PRKCZ: variants seen among roughly 807,000 people sequenced by gnomAD.
PRKCZ encodes protein kinase C zeta.
Under a neutral mutation model 79.5 loss-of-function variants are expected in PRKCZ, and 33 were observed. The ratio of observed to expected loss-of-function variants is 0.41; its 90% CI spans 0.31 to 0.55. The LOEUF (loss-of-function observed/expected upper bound fraction) is 0.55. Ranked by LOEUF, PRKCZ falls within the 20% of genes least tolerant of loss-of-function variation. PRKCZ has a pLI of 0.19. For synonymous variants in PRKCZ, 342 were observed against 320.9 expected, an observed-to-expected ratio of 1.07 and a Z score of -0.70; for missense variants, 578 against 813.5, an observed-to-expected ratio of 0.71 and a Z score of 3.52.
intron 10 of PRKCZ, among the ~76,000 whole-genome samples, chr1:2,163,878 G>A (rs528648875): frequency 1.8e-4 from 28 of 152,082 alleles, no homozygotes; most frequent in African/African-American, 6.0e-4. Flanking sequence ...CAACCTGGGC[G>A]AGAGAGCGAG....
intron 4 of PRKCZ, among the ~76,000 whole-genome samples, chr1:2,107,649 C>T (rs1668820087): frequency 6.6e-6 from 1 of 152,200 alleles, no homozygotes; most frequent in Non-Finnish European, 1.5e-5. Context: ...CTGCGAGGTG[C>T]AGGCCTTCTT....
In PRKCZ at chr1:2,052,648, C is replaced by G. The variant is rs530746808; in HGVS notation, c.71+1947C>G. On this transcript the variant is annotated intron_variant, in intron 1 of 17. Transcript: ENST00000378567. The stretch of plus-strand genomic sequence containing the variant: ...AGTACCCTTCTCCCCGTTCTGGCTC[C>G]TCGTCCCTCTGGGCACCCGGTGCCT... 2.6e-5 allele frequency among the ~76,000 whole-genome samples: 4 copies of G among 152,112 alleles called. No individual in the cohort carries two copies. The South Asian group carries it at 8.3e-4, about 32-fold the overall frequency.
Position 2,172,112 on chromosome 1 carries a change from C to T in PRKCZ, c.1119C>T (p.Ile373=). The change falls in exon 12 of 18, where the codon ATC becomes ATT. Residue 373 remains isoleucine (I), a synonymous_variant. Transcript: ENST00000378567. This position sits in a 1 kb window ranked among gnomAD's most constrained non-coding sequence, Gnocchi z 7.8. ...ACTTCCTGCACGAGAGGGGGATCAT[C>T]TACAGGGACCTGAAGCTGGACAACG... The part of the protein sequence containing the change: ...ALNFLHERGI[I]YRDLKLDNVL... 1.9e-6 allele frequency: 3 copies of T among 1,613,524 alleles called. No individual in the cohort carries two copies. The highest frequency in any genetic ancestry group is 2.5e-6 in the Non-Finnish European group (3 of 1,179,962).
Position 2,185,036 on chromosome 1 carries a change from C to T in PRKCZ, c.*27C>T, listed in dbSNP as rs779822936. On this transcript the variant is annotated 3_prime_UTR_variant, in exon 18 of 18. Coordinates refer to ENST00000378567, the MANE Select transcript of PRKCZ (RefSeq NM_002744.6). ...GCCGCGTGCGTCTCTGTCGTGGACACGCGTGATTGACCCTTTAACTGTATC... is the reference window on the plus strand; with the variant it reads ...GCCGCGTGCGTCTCTGTCGTGGACATGCGTGATTGACCCTTTAACTGTATC... 1.1e-5 allele frequency: 18 copies of T among 1,577,434 alleles called. No individual in the cohort carries two copies. Among genetic ancestry groups the T allele is most frequent in the Middle Eastern group, 1.7e-4 (1 of 6,006 alleles).
At position 2,169,641 on chromosome 1, in the gene PRKCZ, G is replaced by A. The variant is rs765835561; in HGVS notation, c.1061+37G>A. The A allele has an allele frequency of 7.3e-5, 105 of 1,433,086 alleles. 1 individual carries two copies. Among genetic ancestry groups the A allele is most frequent in the East Asian group, 1.3e-4 (5 of 38,986 alleles). 88.8% of individuals were successfully genotyped at this position (1,433,086 alleles called of 1,614,324 possible). Reference sequence around the variant, plus strand: ...TGGACGGGGCCGGGTGGGTGCGCCCGGAGTTGGGGATGGGTGGGTGCGTGC... The same window carrying A: ...TGGACGGGGCCGGGTGGGTGCGCCCAGAGTTGGGGATGGGTGGGTGCGTGC... On this transcript the variant is annotated intron_variant, in intron 11 of 17. Transcript: ENST00000378567.
At chr1:2,120,170 A>G (rs1290939905) in intron 4 of PRKCZ, among the ~76,000 whole-genome samples, 1 of 152,162 alleles carries the variant, frequency 6.6e-6, no homozygotes, top group Non-Finnish European at 1.5e-5. Context: ...TTTTCATCAC[A>G]ACAGCAGCCT....
chr1:2,065,264 G>A (rs1201589389), intron 4 of PRKCZ, among the ~76,000 whole-genome samples: 2 of 152,200 alleles, frequency 1.3e-5, no homozygotes, highest in African/African-American at 4.8e-5. Flanking sequence ...TTTCTTACAT[G>A]TAAGATCATA....
intron 9 of PRKCZ, among the ~76,000 whole-genome samples, chr1:2,154,040 G>T (rs1176562570): frequency 6.6e-6 from 1 of 152,190 alleles, no homozygotes; most frequent in Non-Finnish European, 1.5e-5. Flanking sequence ...CACTCAGTTT[G>T]GGTGCTGAGT....
At chr1:2,083,814 T>C (rs184047676) in intron 4 of PRKCZ, among the ~76,000 whole-genome samples, 32 of 152,348 alleles carry the variant, frequency 2.1e-4, no homozygotes, top group Admixed American at 4.6e-4. Flanking sequence ...CGTGGTCATT[T>C]CTTACATGTC....
chr1:2,091,000 T>G (rs1665400789), intron 4 of PRKCZ, among the ~76,000 whole-genome samples: 1 of 152,220 alleles, frequency 6.6e-6, no homozygotes, highest in South Asian at 2.1e-4. Context: ...TGTGCTTTAA[T>G]AAAGAGGTCA....
chr1:2,073,689 G>C, intron 4 of PRKCZ: 2 of 992,186 alleles, frequency 2.0e-6, no homozygotes, highest in Non-Finnish European at 1.2e-6. Flanking sequence ...CTTCCCGGGG[G>C]AGCCGGGTAC....
At chr1:2,124,751 G>C (rs1571626908) in intron 4 of PRKCZ, among the ~76,000 whole-genome samples, 1 of 152,096 alleles carries the variant, frequency 6.6e-6, no homozygotes, top group African/African-American at 2.4e-5. Flanking sequence ...GCCTGGCCCG[G>C]CTTTCTGTGT....
At position 2,087,625 on chromosome 1, in the gene PRKCZ, C is replaced by T. The variant is rs373808127; in HGVS notation, c.334+28034C>T. ...TATCCCATCACCTGGATGTGATTAC[C>T]GAGAGGAGTATAGCAGGATACCCGA... On this transcript the variant is annotated intron_variant, in intron 4 of 17. Coordinates refer to ENST00000378567, the MANE Select transcript of PRKCZ (RefSeq NM_002744.6). Among the ~76,000 whole-genome samples, 100 of 152,110 alleles carry T rather than the reference C, an allele frequency of 6.6e-4. 1 individual carries two copies. Among genetic ancestry groups the T allele is most frequent in the African/African-American group, 2.1e-3 (87 of 41,480 alleles).
At chr1:2,102,602 G>A (rs926623077) in intron 4 of PRKCZ, among the ~76,000 whole-genome samples, 25 of 152,146 alleles carry the variant, frequency 1.6e-4, no homozygotes, top group Non-Finnish European at 2.4e-4. Flanking sequence ...AAAGTGCTAG[G>A]ATTACAGGTG....
Position 2,156,105 on chromosome 1 carries a change from AG to A in PRKCZ, c.974+16del. 6.3e-7 allele frequency: 1 copy of A among 1,598,748 alleles called. No individual in the cohort carries two copies. Among genetic ancestry groups the A allele is most frequent in the African/African-American group, 1.3e-5 (1 of 74,674 alleles). ...AGACGACAAGTCGGTAAGAAAAAGAAGGGTATTTCTGATATTCTGCAGATTT... is the reference window on the plus strand; with the variant it reads ...AGACGACAAGTCGGTAAGAAAAAGAAGGTATTTCTGATATTCTGCAGATTT... On this transcript the variant is annotated intron_variant, in intron 10 of 17. Coordinates refer to ENST00000378567, the MANE Select transcript of PRKCZ (RefSeq NM_002744.6).
Position 2,185,198 on chromosome 1 carries a change from G to A in PRKCZ, c.*189G>A, listed in dbSNP as rs753674015. The A allele has an allele frequency of 4.3e-4, 301 of 708,198 alleles. 2 individuals carry two copies. Among genetic ancestry groups the A allele is most frequent in the Non-Finnish European group, 5.0e-4 (194 of 390,084 alleles). 43.9% of individuals were successfully genotyped at this position (708,198 alleles called of 1,614,324 possible). ...AACAGTCCCTCACACCTGGGCCCGG[G>A]CAGGCCAGCTTCGTGCTGGAGGAAC... is the stretch of plus-strand genomic sequence containing the variant. On this transcript the variant is annotated 3_prime_UTR_variant, in exon 18 of 18. Coordinates refer to ENST00000378567, the MANE Select transcript of PRKCZ (RefSeq NM_002744.6).
At chr1:2,103,148 G>A (rs1033400905) in intron 4 of PRKCZ, among the ~76,000 whole-genome samples, 12 of 152,244 alleles carry the variant, frequency 7.9e-5, no homozygotes, top group East Asian at 1.9e-4. Flanking sequence ...CCACCACGCC[G>A]GGCTAGACTG....
chr1:2,179,346 C>T (rs866136943), intron 16 of PRKCZ, among the ~76,000 whole-genome samples: 1 of 152,224 alleles, frequency 6.6e-6, no homozygotes, highest in Admixed American at 6.5e-5. Flanking sequence ...CCAGACAGCA[C>T]GTCCTGGCCT....
At chr1:2,118,826 C>T (rs1671290541) in intron 4 of PRKCZ, among the ~76,000 whole-genome samples, 1 of 149,772 alleles carries the variant, frequency 6.7e-6, no homozygotes, top group Admixed American at 6.7e-5. Context: ...ACTTTCTTTT[C>T]TGTATATTTT....
Sources: gnomAD v4.1 joint callset for allele counts (sites outside exome capture counted in the v4.1 genomes callset) on GRCh38, gnomAD v4.1.1 for gene constraint, Gnocchi (gnomAD v3.1) non-coding constraint, MANE v1.5 for transcripts, NCBI Gene and HGNC (gene_info 2026-07-23, HGNC 2026-07-21) for gene names.